The following CPA6 variants were observed in gnomAD, a reference collection of about 807,000 sequenced individuals.
The protein encoded by CPA6 is carboxypeptidase B.
In CPA6, 58 loss-of-function variants were observed where a neutral mutation model predicts 63.3. The ratio of observed to expected loss-of-function variants is 0.92; its 90% CI spans 0.74 to 1.14. The LOEUF (loss-of-function observed/expected upper bound fraction) is 1.14. CPA6 is among the 50% of genes most tolerant of loss of function. The pLI, the probability that CPA6 is intolerant of heterozygous loss-of-function variation, is 0.00. For synonymous variants in CPA6, 185 were observed against 179.0 expected, an observed-to-expected ratio of 1.03 and a Z score of -0.27; for missense variants, 565 against 526.6, an observed-to-expected ratio of 1.07 and a Z score of -0.71.
At chr8:67,521,648 A>G (rs2128967425) in intron 2 of CPA6, among the ~76,000 whole-genome samples, 1 of 152,376 alleles carries the variant, frequency 6.6e-6, no homozygotes, top group East Asian at 1.9e-4. Context: ...TCGTATGGTT[A>G]AGATGAAGAA....
chr8:67,518,791 G>A (rs1233352723), intron 2 of CPA6, among the ~76,000 whole-genome samples: 3 of 151,960 alleles, frequency 2.0e-5, no homozygotes, highest in Non-Finnish European at 4.4e-5. Flanking sequence ...GATTACATAC[G>A]TGAGCCACGG....
intron 2 of CPA6, among the ~76,000 whole-genome samples, chr8:67,529,892 T>C (rs955081507): frequency 2.6e-4 from 40 of 152,270 alleles, no homozygotes; most frequent in Middle Eastern, 3.4e-3. Context: ...CAACTCTTAC[T>C]ATGAATGGGC....
chr8:67,488,344 T>G (rs1401801345), intron 6 of CPA6, among the ~76,000 whole-genome samples: 2 of 152,210 alleles, frequency 1.3e-5, no homozygotes, highest in East Asian at 3.8e-4. Flanking sequence ...GTCAGGTTTG[T>G]CAAAGATCAG....
intron 1 of CPA6, among the ~76,000 whole-genome samples, chr8:67,676,950 G>C (rs78506631): frequency 6.6e-6 from 1 of 152,086 alleles, no homozygotes; most frequent in Non-Finnish European, 1.5e-5. Context: ...GTGTATGTAC[G>C]TATATGTATA....
chr8:67,666,922 T>C (rs1056253515), intron 1 of CPA6, among the ~76,000 whole-genome samples: 2 of 152,128 alleles, frequency 1.3e-5, no homozygotes, highest in African/African-American at 4.8e-5. Flanking sequence ...ATGTCCAGAA[T>C]CGCAAGCCTG....
intron 2 of CPA6, among the ~76,000 whole-genome samples, chr8:67,610,402 A>T (rs1299777951): frequency 1.3e-5 from 2 of 152,126 alleles, no homozygotes; most frequent in African/African-American, 2.4e-5. Flanking sequence ...AGAGAAAAAA[A>T]ATACCATACT....
At chr8:67,671,587 C>A (rs1816344978) in intron 1 of CPA6, among the ~76,000 whole-genome samples, 1 of 152,200 alleles carries the variant, frequency 6.6e-6, no homozygotes, top group Admixed American at 6.5e-5. Flanking sequence ...TGCTACTTGA[C>A]TAAAGGGCTT....
intron 1 of CPA6, among the ~76,000 whole-genome samples, chr8:67,656,780 G>C (rs1481746269): frequency 6.6e-6 from 1 of 152,156 alleles, no homozygotes; most frequent in East Asian, 1.9e-4. Flanking sequence ...ACAACCCATG[G>C]GATTTTAAGG....
Position 67,485,695 on chromosome 8 carries a change from A to T in CPA6, c.637-906T>A, listed in dbSNP as rs370105000. 4.2e-4 allele frequency among the ~76,000 whole-genome samples: 64 copies of T among 152,282 alleles called. No homozygotes were observed. The South Asian group carries it at 0.013, about 30-fold the overall frequency. On this transcript the variant is annotated intron_variant, in intron 6 of 10. Transcript: ENST00000297770. ...TGCACATTTCTCCTAGACATATGAG[A>T]ATTTGTTTATAACATATAGCCAGGA... is the stretch of plus-strand genomic sequence containing the variant.
chr8:67,554,957 G>A (rs530728586), intron 2 of CPA6, among the ~76,000 whole-genome samples: 4 of 152,250 alleles, frequency 2.6e-5, no homozygotes, highest in South Asian at 2.1e-4. Context: ...CAGTCCAATC[G>A]TCTGAATCAC....
rs574995824 is a variant in CPA6, at chr8:67,549,801, T to C, written c.193-31754A>G. On this transcript the variant is annotated intron_variant, in intron 2 of 10. Transcript: ENST00000297770. ...TCCTCAGTGTTCATCCATGGTGTCATAAACGGCAGGATTTCCTTCCTTGTG... is the reference window on the plus strand; with the variant it reads ...TCCTCAGTGTTCATCCATGGTGTCACAAACGGCAGGATTTCCTTCCTTGTG... 1.4e-4 allele frequency among the ~76,000 whole-genome samples: 22 copies of C among 152,356 alleles called. No homozygotes were observed. The South Asian group carries it at 4.6e-3, about 32-fold the overall frequency.
rs150338632 is a variant in CPA6 at position 67,669,266 on chromosome 8, A to G, written c.117-45015T>C. On this transcript the variant is annotated intron_variant, in intron 1 of 10. Transcript: ENST00000297770. Reference sequence around the variant, plus strand: ...GCTTTTATTACCAGAGACTGTAACTAGTCCCTTACCTGTATGCTTGTTCTT... The same window carrying G: ...GCTTTTATTACCAGAGACTGTAACTGGTCCCTTACCTGTATGCTTGTTCTT... Among the ~76,000 whole-genome samples, 48 of 152,350 alleles carry G rather than the reference A, an allele frequency of 3.2e-4. No homozygotes were observed. In the East Asian group the frequency reaches 9.3e-3, roughly 29 times the overall value.
At chr8:67,529,838 G>A (rs988962068) in intron 2 of CPA6, among the ~76,000 whole-genome samples, 14 of 152,136 alleles carry the variant, frequency 9.2e-5, no homozygotes, top group African/African-American at 1.9e-4. Context: ...TCTTTGACAA[G>A]TTCTAGCCAT....
At chr8:67,597,110 C>T (rs151307164) in intron 2 of CPA6, among the ~76,000 whole-genome samples, 72 of 151,934 alleles carry the variant, frequency 4.7e-4, no homozygotes, top group African/African-American at 1.7e-3. Context: ...TTTGTGACTA[C>T]GCATTACTTC....
chr8:67,578,117 A>G (rs1268237154), intron 2 of CPA6, among the ~76,000 whole-genome samples: 2 of 152,236 alleles, frequency 1.3e-5, no homozygotes, highest in Non-Finnish European at 2.9e-5. Flanking sequence ...TGAAGGCTGT[A>G]CAAAAACAGG....
intron 1 of CPA6, among the ~76,000 whole-genome samples, chr8:67,691,252 C>G (rs1366398686): frequency 1.3e-5 from 2 of 151,386 alleles, no homozygotes; most frequent in Non-Finnish European, 3.0e-5. Flanking sequence ...AAGCGCACAG[C>G]TCTACACCTG....
chr8:67,475,797 CTTTCTTTCTT>C (rs1285671504), intron 8 of CPA6, among the ~76,000 whole-genome samples: 2 of 41,098 alleles, frequency 4.9e-5, no homozygotes, highest in African/African-American at 3.6e-4. Context: ...TTCTTTCTTT[CTTTCTTTCTT>C]TCTTTCTTTC....
intron 3 of CPA6, among the ~76,000 whole-genome samples, chr8:67,517,409 A>T (rs922586900): frequency 7.9e-5 from 12 of 152,092 alleles, no homozygotes; most frequent in Admixed American, 6.6e-5. Flanking sequence ...AGCACCATCC[A>T]CAAGACTAGG....
intron 1 of CPA6, among the ~76,000 whole-genome samples, chr8:67,670,339 A>C (rs1005035218): frequency 1.3e-5 from 2 of 152,076 alleles, no homozygotes; most frequent in African/African-American, 4.8e-5. Context: ...GGAAGGTGCC[A>C]CCCACTTTTA....
Sources: gnomAD v4.1 joint callset for allele counts (sites outside exome capture counted in the v4.1 genomes callset) on GRCh38, gnomAD v4.1.1 for gene constraint, MANE v1.5 for transcripts, NCBI Gene and HGNC (gene_info 2026-07-23, HGNC 2026-07-21) for gene names.